PHF20: variants seen among roughly 807,000 people sequenced by gnomAD.
The protein encoded by PHF20 is PHD finger protein 20.
A neutral mutation model predicts 113.5 loss-of-function variants in PHF20; 23 were observed. The ratio of observed to expected loss-of-function variants is 0.20; its 90% CI spans 0.15 to 0.29. The LOEUF is 0.29. PHF20 is among the 10% of genes least tolerant of loss of function. PHF20 has a pLI of 1.00. For synonymous variants in PHF20, 434 were observed against 457.3 expected (o/e 0.95, Z 0.65); for missense variants, 943 against 1,219.6 (o/e 0.77, Z 3.38).
chr20:35,774,629 AG>A (rs1002690567), intron 1 of PHF20: 7 of 152,236 alleles, frequency 4.6e-5, no homozygotes, highest in African/African-American at 1.7e-4. Context: ...ATGAGGCCTC[AG>A]CAGGAGAGAG....
intron 6 of PHF20, among the ~76,000 whole-genome samples, chr20:35,868,456 AAAT>A (rs1160171065): frequency 2.7e-5 from 4 of 149,386 alleles, no homozygotes; most frequent in Admixed American, 1.3e-4. Context: ...AAAAAAAAAA[AAAT>A]TTTGCTAGGT....
At chr20:35,918,289 T>A (rs751158952) in intron 13 of PHF20, among the ~76,000 whole-genome samples, 78 of 152,058 alleles carry the variant, frequency 5.1e-4, no homozygotes, top group Non-Finnish European at 7.5e-4. Context: ...TCCCTGGGTG[T>A]CTTGACAGCT....
At position 35,941,015 on chromosome 20, in the gene PHF20, A is replaced by C; in HGVS notation, c.2864A>C (p.His955Pro). The change falls in exon 17 of 18, where the codon CAC becomes CCC. Residue 955 changes from histidine to proline, a missense_variant. Physicochemically the swap from His to Pro is moderately conservative, Grantham distance 77 (BLOSUM62 -2). Coordinates refer to ENST00000374012, the MANE Select transcript of PHF20 (RefSeq NM_016436.5). The part of the protein sequence containing the change: ...HVESLQDEVT[H>P]RMDSIEKELD... Reference sequence around the variant, plus strand: ...GAATCTCTTCAGGATGAAGTTACGCACAGGATGGACTCCATTGAGAAGGAG... The same window carrying C: ...GAATCTCTTCAGGATGAAGTTACGCCCAGGATGGACTCCATTGAGAAGGAG... 6.2e-7 allele frequency: 1 copy of C among 1,614,118 alleles called. No homozygotes were observed. Among genetic ancestry groups the C allele is most frequent in the Non-Finnish European group, 8.5e-7 (1 of 1,179,976 alleles).
intron 1 of PHF20, among the ~76,000 whole-genome samples, chr20:35,799,016 GTGC>G (rs1345781043): frequency 1.3e-5 from 2 of 152,050 alleles, no homozygotes; most frequent in African/African-American, 2.4e-5. Flanking sequence ...TTCATAAAAT[GTGC>G]TGCTATTAAA....
At chr20:35,899,803 G>A (rs1479190119) in intron 10 of PHF20, among the ~76,000 whole-genome samples, 155 bp downstream of exon 10, 2 of 152,160 alleles carry the variant, frequency 1.3e-5, no homozygotes, top group Non-Finnish European at 2.9e-5. Flanking sequence ...GCTGTGCCAC[G>A]GAGCTGTGGC....
chr20:35,840,859 T>C (rs1265786288), intron 2 of PHF20, among the ~76,000 whole-genome samples: 1 of 152,144 alleles, frequency 6.6e-6, no homozygotes, highest in Non-Finnish European at 1.5e-5. Flanking sequence ...GTCAGGGAAA[T>C]GTAGTTGTTG....
chr20:35,937,196 G>A (rs184000591), intron 15 of PHF20, among the ~76,000 whole-genome samples: 10 of 152,224 alleles, frequency 6.6e-5, no homozygotes, highest in Admixed American at 4.6e-4. Flanking sequence ...GCCAGGCTTG[G>A]TGGCTCACGC....
At chr20:35,828,344 T>C (rs1370510792) in intron 2 of PHF20, among the ~76,000 whole-genome samples, 1 of 152,160 alleles carries the variant, frequency 6.6e-6, no homozygotes, top group Non-Finnish European at 1.5e-5. Flanking sequence ...CTAATAGCCA[T>C]GTGGGTGAAC....
chr20:35,924,386 G>A (rs2055582996), intron 13 of PHF20, among the ~76,000 whole-genome samples: 1 of 151,098 alleles, frequency 6.6e-6, no homozygotes, highest in South Asian at 2.1e-4. Context: ...TAGAGGCAGG[G>A]TTTCTCCATG....
At chr20:35,800,796 G>A (rs148522518) in intron 1 of PHF20, among the ~76,000 whole-genome samples, 141 of 152,068 alleles carry the variant, frequency 9.3e-4, no homozygotes, top group Non-Finnish European at 1.8e-3. Flanking sequence ...AACAGACCTC[G>A]TACAGCCTTC....
chr20:35,779,533 T>C (rs1312368365), intron 1 of PHF20, among the ~76,000 whole-genome samples: 2 of 151,786 alleles, frequency 1.3e-5, no homozygotes, highest in Non-Finnish European at 2.9e-5. Context: ...TTCTTTTTTT[T>C]TTTTTGTTGA....
At chr20:35,831,128 C>G (rs1373298665) in intron 2 of PHF20, among the ~76,000 whole-genome samples, 2 of 151,124 alleles carry the variant, frequency 1.3e-5, no homozygotes, top group Non-Finnish European at 1.5e-5. Context: ...TTCTTCCTTC[C>G]CTCCCTCCCT....
At chr20:35,805,355 TTATTA>T (rs1227435482) in intron 2 of PHF20, among the ~76,000 whole-genome samples, 1 of 50,420 alleles carries the variant, frequency 2.0e-5, no homozygotes, top group Non-Finnish European at 3.9e-5. Flanking sequence ...GCCTGATTTT[TTATTA>T]TTATTATTAT....
intron 9 of PHF20, among the ~76,000 whole-genome samples, chr20:35,899,020 A>G (rs2055044290): frequency 1.3e-5 from 2 of 152,132 alleles, no homozygotes; most frequent in South Asian, 4.1e-4. Context: ...AAGTACTAGG[A>G]TTACAAGTGT....
chr20:35,894,047 C>T (rs970140293), intron 9 of PHF20, among the ~76,000 whole-genome samples: 5 of 152,120 alleles, frequency 3.3e-5, no homozygotes, highest in Non-Finnish European at 4.4e-5. Flanking sequence ...TAAAAGATGT[C>T]CCAAAAGGTG....
chr20:35,776,535 A>T (rs2041178765), intron 1 of PHF20, among the ~76,000 whole-genome samples: 1 of 152,134 alleles, frequency 6.6e-6, no homozygotes, highest in Non-Finnish European at 1.5e-5. Flanking sequence ...ATTTTTTTGG[A>T]GACAAAGACT....
At chr20:35,855,322 C>G in intron 4 of PHF20, 1 of 1,119,140 alleles carries the variant, frequency 8.9e-7, no homozygotes, top group Non-Finnish European at 1.2e-6. Context: ...GCTGAGCTGC[C>G]TGTGTAGATA....
At chr20:35,872,248 C>T (rs946841408) in intron 9 of PHF20, among the ~76,000 whole-genome samples, 11 of 151,542 alleles carry the variant, frequency 7.3e-5, no homozygotes, top group Non-Finnish European at 1.2e-4. Flanking sequence ...TCTGGCTGGG[C>T]GCGATGGCTC....
At chr20:35,824,087 C>T (rs1403794478) in intron 2 of PHF20, among the ~76,000 whole-genome samples, 2 of 152,094 alleles carry the variant, frequency 1.3e-5, no homozygotes, top group Non-Finnish European at 2.9e-5. Flanking sequence ...TAAATACCAG[C>T]GAGCTGGATT....
Sources: allele counts gnomAD v4.1 joint callset (sites outside exome capture counted in the v4.1 genomes callset), GRCh38; gene constraint gnomAD v4.1.1; transcripts MANE v1.5; gene names NCBI Gene and HGNC (gene_info 2026-07-23, HGNC 2026-07-21).